WDR7: variants seen among roughly 807,000 people sequenced by gnomAD.
WDR7 encodes the protein WD repeat-containing protein 7.
WDR7 carries 46 observed loss-of-function variants against 169.4 expected under a neutral mutation model. The observed-to-expected ratio is 0.27, with a 90% CI of 0.21 to 0.35. WDR7 has a LOEUF of 0.35. WDR7 is among the 10% of genes least tolerant of loss of function. The pLI is 1.00. For synonymous variants in WDR7, 612 were observed against 666.8 expected (o/e 0.92, Z 1.27); for missense variants, 1,534 against 1,859.3 (o/e 0.83, Z 3.22).
intron 21 of WDR7, among the ~76,000 whole-genome samples, chr18:56,891,476 G>A (rs1179157090): frequency 6.6e-6 from 1 of 152,080 alleles, no homozygotes; most frequent in Non-Finnish European, 1.5e-5. Context: ...ACTTATAAAT[G>A]TTAGTTTCTG....
At position 56,716,983 on chromosome 18, in the gene WDR7, G is replaced by C. The variant is rs117102666; in HGVS notation, c.1579-981G>C. 2.2e-3 allele frequency among the ~76,000 whole-genome samples: 329 copies of C among 152,254 alleles called. 2 individuals are homozygous for C. The highest frequency in any genetic ancestry group is 3.6e-3 in the Non-Finnish European group (244 of 68,004). ...GTTTAAAAACAACCTGTTTGCTTAG[G>C]AGAACCCCCAGCAGGGTGAGGTTTG... On this transcript the variant is annotated intron_variant, in intron 12 of 27. Coordinates refer to ENST00000254442, the MANE Select transcript of WDR7 (RefSeq NM_015285.3).
At chr18:56,998,554 T>C (rs2145878873) in intron 26 of WDR7, among the ~76,000 whole-genome samples, 1 of 152,332 alleles carries the variant, frequency 6.6e-6, no homozygotes, top group East Asian at 1.9e-4. Context: ...ACTTCTTTAC[T>C]CTGCTGTTTG....
intron 20 of WDR7, among the ~76,000 whole-genome samples, chr18:56,822,507 C>T (rs1398127199): frequency 6.6e-6 from 1 of 152,150 alleles, no homozygotes; most frequent in African/African-American, 2.4e-5. Flanking sequence ...CAGATAAGCT[C>T]CAAAGAACAA....
At chr18:56,870,491 A>G (rs751683734) in intron 20 of WDR7, among the ~76,000 whole-genome samples, 1 of 152,194 alleles carries the variant, frequency 6.6e-6, no homozygotes, top group Non-Finnish European at 1.5e-5. Context: ...TGGTACCTTC[A>G]CTAAGAATGC....
chr18:56,947,268 A>T (rs2047117486), intron 25 of WDR7, among the ~76,000 whole-genome samples: 1 of 152,210 alleles, frequency 6.6e-6, no homozygotes, highest in Non-Finnish European at 1.5e-5. Context: ...TAGGAAGCAC[A>T]ATAAGGTAAC....
chr18:56,735,799 C>A (rs1189239247), intron 14 of WDR7, among the ~76,000 whole-genome samples: 1 of 152,156 alleles, frequency 6.6e-6, no homozygotes, highest in Non-Finnish European at 1.5e-5. Context: ...AATATGTGAA[C>A]AAATGAGCAT....
chr18:56,867,377 A>AG (rs1482526049), intron 20 of WDR7, among the ~76,000 whole-genome samples: 11 of 152,116 alleles, frequency 7.2e-5, no homozygotes, highest in African/African-American at 2.7e-4. Context: ...TAAGTACAAT[A>AG]ATAGCCATCT....
intron 21 of WDR7, among the ~76,000 whole-genome samples, chr18:56,917,598 A>G (rs1230786367): frequency 6.6e-6 from 1 of 152,192 alleles, no homozygotes; most frequent in African/African-American, 2.4e-5. Flanking sequence ...AGGGCTAGCC[A>G]TTATACGTAG....
chr18:56,993,346 G>T (rs2047844356), intron 26 of WDR7, among the ~76,000 whole-genome samples: 1 of 152,184 alleles, frequency 6.6e-6, no homozygotes, highest in Non-Finnish European at 1.5e-5. Context: ...TGCCAAGGTT[G>T]ACATAGTAAT....
In WDR7 at chr18:56,783,035, G is replaced by A. The variant is rs189430359; in HGVS notation, c.3190+1379G>A. The stretch of plus-strand genomic sequence containing the variant: ...GCAAATATTTATTTCACTTATAGCC[G>A]AAGTATCACACATTAACAGCTCCAG... On this transcript the variant is annotated intron_variant, in intron 19 of 27. Coordinates refer to ENST00000254442, the MANE Select transcript of WDR7 (RefSeq NM_015285.3). 1.3e-4 allele frequency among the ~76,000 whole-genome samples: 19 copies of A among 151,912 alleles called. No individual in the cohort carries two copies. In the East Asian group the frequency reaches 3.3e-3, roughly 26 times the overall value.
At chr18:56,880,897 G>C (rs1336459661) in intron 21 of WDR7, among the ~76,000 whole-genome samples, 2 of 152,196 alleles carry the variant, frequency 1.3e-5, no homozygotes, top group Non-Finnish European at 2.9e-5. Context: ...AGTAAGGTCA[G>C]AGTGGCATGT....
downstream of WDR7, chr18:57,032,806 TATATATATATATATATATA>T (rs1568036556): frequency 2.3e-3 from 34 of 14,538 alleles, 1 homozygote; most frequent in African/African-American, 7.1e-3. Context: ...TTATTTTATA[TATATATATATATATATATA>T]TATATATATA....
Position 56,832,906 on chromosome 18 carries a change from T to C in WDR7, c.3304+16762T>C, listed in dbSNP as rs185843310. On this transcript the variant is annotated intron_variant, in intron 20 of 27. Transcript: ENST00000254442. ...AAACCAGCGCAAAAAGGCTGAAAAT[T>C]CCTAAAACCAGAATGCCTCTTCTCC... is the stretch of plus-strand genomic sequence containing the variant. Among the ~76,000 whole-genome samples the C allele has an allele frequency of 1.9e-3, 285 of 152,110 alleles. 2 individuals are homozygous for C. Among genetic ancestry groups the C allele is most frequent in the South Asian group, 1.0e-2 (48 of 4,810 alleles).
At chr18:56,657,980 A>G (rs2024815482) in intron 1 of WDR7, among the ~76,000 whole-genome samples, 1 of 152,148 alleles carries the variant, frequency 6.6e-6, no homozygotes, top group Non-Finnish European at 1.5e-5. Flanking sequence ...GAGCCATAAA[A>G]TGTTGGAACA....
At chr18:56,655,107 T>C (rs553728528) in intron 1 of WDR7, among the ~76,000 whole-genome samples, 3 of 152,352 alleles carry the variant, frequency 2.0e-5, no homozygotes, top group Non-Finnish European at 4.4e-5. Flanking sequence ...TATTTTGATA[T>C]AATTATAGGT....
intron 16 of WDR7, among the ~76,000 whole-genome samples, chr18:56,765,217 C>A (rs558738009): frequency 6.6e-6 from 1 of 152,114 alleles, no homozygotes; most frequent in African/African-American, 2.4e-5. Context: ...ACTTGAGATG[C>A]ATAAGCCGTT....
At chr18:56,748,003 T>A (rs906689612) in intron 14 of WDR7, among the ~76,000 whole-genome samples, 2 of 152,104 alleles carry the variant, frequency 1.3e-5, no homozygotes, top group African/African-American at 4.8e-5. Flanking sequence ...TACAAGTGTG[T>A]TAAGGGTTTC....
At chr18:56,731,643 C>G in intron 14 of WDR7, 46 bp downstream of exon 14, 1 of 1,479,144 alleles carries the variant, frequency 6.8e-7, no homozygotes, top group East Asian at 2.3e-5. Context: ...CCCCATTTAA[C>G]TTCATTTAGT....
chr18:56,756,184 C>T (rs2043884263), intron 14 of WDR7, among the ~76,000 whole-genome samples: 1 of 152,124 alleles, frequency 6.6e-6, no homozygotes, highest in African/African-American at 2.4e-5. Context: ...GTTGTAGCAA[C>T]TTAAAGGATC....
Sources: gnomAD v4.1 joint callset for allele counts (sites outside exome capture counted in the v4.1 genomes callset) on GRCh38, gnomAD v4.1.1 for gene constraint, MANE v1.5 for transcripts, NCBI Gene and HGNC (gene_info 2026-07-23, HGNC 2026-07-21) for gene names.